The following RIMS2 variants were observed in gnomAD, a reference collection of about 807,000 sequenced individuals.
The protein encoded by RIMS2 is regulating synaptic membrane exocytosis protein 2.
Under a neutral mutation model 174.4 loss-of-function variants are expected in RIMS2, and 59 were observed. That is an observed-to-expected ratio of 0.34 (90% CI 0.27 to 0.42). The LOEUF (loss-of-function observed/expected upper bound fraction) is 0.42. RIMS2 is among the 10% of genes least tolerant of loss of function. The probability of loss-of-function intolerance (pLI) is 1.00; values close to 1 mark genes in which losing one functional copy is unlikely to be tolerated. For missense variants in RIMS2, 1,620 were observed against 1,666.3 expected, an observed-to-expected ratio of 0.97 and a Z score of 0.48; for synonymous variants, 606 against 572.5, an observed-to-expected ratio of 1.06 and a Z score of -0.84.
intron 1 of RIMS2, among the ~76,000 whole-genome samples, chr8:103,615,509 G>A (rs2095484584): frequency 6.6e-6 from 1 of 152,026 alleles, no homozygotes; most frequent in South Asian, 2.1e-4. Context: ...GCTAGCAGAA[G>A]ATGAGAAATA....
chr8:103,824,085 A>G (rs1225803799), intron 3 of RIMS2, among the ~76,000 whole-genome samples: 1 of 152,082 alleles, frequency 6.6e-6, no homozygotes, highest in South Asian at 2.1e-4. Context: ...TATTTTCACT[A>G]GAATATTTAC....
chr8:103,598,342 T>C (rs183901473), intron 1 of RIMS2, among the ~76,000 whole-genome samples: 15 of 152,340 alleles, frequency 9.8e-5, no homozygotes, highest in African/African-American at 3.6e-4. Context: ...TGCAGCTCTT[T>C]TGGTCTTGTG....
chr8:104,249,697 G>T (rs1473103197), intron 22 of RIMS2, 109 bp downstream of exon 28: 1 of 650,792 alleles, frequency 1.5e-6, no homozygotes, highest in East Asian at 2.8e-5. Context: ...GATTACTAAT[G>T]GATGGTCCAT....
intron 1 of RIMS2, among the ~76,000 whole-genome samples, chr8:103,608,700 G>T (rs541379375): frequency 1.3e-5 from 2 of 152,074 alleles, no homozygotes; most frequent in Non-Finnish European, 2.9e-5. Context: ...ATGGTGCGCC[G>T]TTTTTTAAGC....
At chr8:103,562,198 C>T (rs1335166416) in intron 1 of RIMS2, among the ~76,000 whole-genome samples, 1 of 152,160 alleles carries the variant, frequency 6.6e-6, no homozygotes, top group African/African-American at 2.4e-5. Context: ...CTCCCAAAGT[C>T]TTAACTCATT....
At chr8:103,869,597 A>G (rs769236507) in intron 3 of RIMS2, among the ~76,000 whole-genome samples, 1 of 152,150 alleles carries the variant, frequency 6.6e-6, no homozygotes, top group Non-Finnish European at 1.5e-5. Context: ...TGCTGGGATT[A>G]CAGGCATGAG....
Position 103,686,429 on chromosome 8 carries a change from C to A in RIMS2, c.177-10657C>A, listed in dbSNP as rs2136917284. Reference sequence around the variant, plus strand: ...ATTACTGATCTTAGGGGGAAGCATTCAGTTTTTTACCATACAGTGTGATGT... The same window carrying A: ...ATTACTGATCTTAGGGGGAAGCATTAAGTTTTTTACCATACAGTGTGATGT... On this transcript the variant is annotated intron_variant, in intron 1 of 23. Coordinates refer to ENST00000504942, the Ensembl canonical transcript of RIMS2. Among the ~76,000 whole-genome samples the A allele has an allele frequency of 1.3e-5, 2 of 152,162 alleles. 1 individual carries two copies. Among genetic ancestry groups the A allele is most frequent in the Non-Finnish European group, 2.9e-5 (2 of 67,990 alleles).
intron 2 of RIMS2, among the ~76,000 whole-genome samples, chr8:103,758,302 C>T (rs1212305883): frequency 6.6e-6 from 1 of 152,052 alleles, no homozygotes; most frequent in Non-Finnish European, 1.5e-5. Flanking sequence ...GTGGTCTTGC[C>T]TCAATCTTGG....
chr8:103,502,370 A>G (rs148296147), intron 1 of RIMS2, among the ~76,000 whole-genome samples: 1 of 152,350 alleles, frequency 6.6e-6, no homozygotes, highest in African/African-American at 2.4e-5. Flanking sequence ...AGTAGCAAAC[A>G]TCAAATATTC....
chr8:103,624,936 G>C (rs2095743582), intron 1 of RIMS2, among the ~76,000 whole-genome samples: 1 of 151,906 alleles, frequency 6.6e-6, no homozygotes. Context: ...CCCCTTTTTG[G>C]CAGAAGAATA....
intron 3 of RIMS2, among the ~76,000 whole-genome samples, chr8:103,847,088 G>A (rs1188359836): frequency 1.3e-5 from 2 of 151,478 alleles, no homozygotes; most frequent in East Asian, 1.9e-4. Context: ...CACAGTGACC[G>A]GGCAGTAGCC....
intron 19 of RIMS2, among the ~76,000 whole-genome samples, chr8:104,224,272 T>C (rs938644550): frequency 4.6e-5 from 7 of 152,126 alleles, no homozygotes; most frequent in African/African-American, 1.4e-4. Flanking sequence ...GACAGACAGT[T>C]AGAGGGTTGC....
intron 3 of RIMS2, among the ~76,000 whole-genome samples, chr8:103,802,243 A>G (rs1460632022): frequency 1.3e-5 from 2 of 152,158 alleles, no homozygotes; most frequent in African/African-American, 4.8e-5. Flanking sequence ...ACAACATAAA[A>G]TTTAATAAAT....
chr8:104,094,630 G>T, intron 19 of RIMS2: 1 of 701,722 alleles, frequency 1.4e-6, no homozygotes, highest in African/African-American at 1.8e-5. Context: ...AGAGAATCAG[G>T]AGACGAGGAA....
intron 3 of RIMS2, among the ~76,000 whole-genome samples, chr8:103,868,820 G>T (rs987508892): frequency 3.3e-5 from 5 of 151,922 alleles, no homozygotes; most frequent in Admixed American, 2.6e-4. Context: ...TTGAAGTGAC[G>T]ATCTATAAAT....
chr8:103,818,759 T>C (rs1160403820), intron 3 of RIMS2, among the ~76,000 whole-genome samples: 1 of 152,156 alleles, frequency 6.6e-6, no homozygotes, highest in African/African-American at 2.4e-5. Flanking sequence ...CCACTTTTCT[T>C]TAAAAATAAA....
intron 19 of RIMS2, among the ~76,000 whole-genome samples, chr8:104,143,580 T>C (rs1157822856): frequency 2.6e-5 from 4 of 152,184 alleles, no homozygotes; most frequent in Admixed American, 1.3e-4. Context: ...CAAGATACCA[T>C]GTTTAGGAGC....
chr8:103,699,768 CTCA>C (rs2097147842), intron 2 of RIMS2, among the ~76,000 whole-genome samples: 1 of 152,120 alleles, frequency 6.6e-6, no homozygotes, highest in Non-Finnish European at 1.5e-5. Flanking sequence ...CACCACAATT[CTCA>C]TGTGTTGTTT....
chr8:103,546,527 T>C (rs930513551), intron 1 of RIMS2, among the ~76,000 whole-genome samples: 2 of 152,152 alleles, frequency 1.3e-5, no homozygotes, highest in African/African-American at 2.4e-5. Context: ...TTTGACTAAA[T>C]GGGCCTAACA....
Sources: gnomAD v4.1 joint callset for allele counts (sites outside exome capture counted in the v4.1 genomes callset) on GRCh38, gnomAD v4.1.1 for gene constraint, MANE v1.5 for transcripts, NCBI Gene and HGNC (gene_info 2026-07-23, HGNC 2026-07-21) for gene names.